SYCP2: variants seen among roughly 807,000 people sequenced by gnomAD.
SYCP2 encodes the protein synaptonemal complex protein 2.
SYCP2 carries 55 observed loss-of-function variants against 211.3 expected under a neutral mutation model. That is an observed-to-expected ratio of 0.26 (90% CI 0.21 to 0.33). The LOEUF is 0.33. SYCP2 is among the 10% of genes least tolerant of loss of function. The pLI, the probability that SYCP2 is intolerant of heterozygous loss-of-function variation, is 1.00. For missense variants in SYCP2, 1,731 were observed against 1,752.0 expected, an observed-to-expected ratio of 0.99 and a Z score of 0.21; for synonymous variants, 570 against 555.2, an observed-to-expected ratio of 1.03 and a Z score of -0.37.
At chr20:59,911,671 G>C (rs1258296746) in intron 14 of SYCP2, 79 bp downstream of exon 14, 3 of 579,718 alleles carry the variant, frequency 5.2e-6, no homozygotes, top group Non-Finnish European at 8.4e-6. Flanking sequence ...AACATATAAA[G>C]AAATCCACAT....
intron 31 of SYCP2, among the ~76,000 whole-genome samples, chr20:59,879,589 C>G (rs2059626667): frequency 6.6e-6 from 1 of 151,334 alleles, no homozygotes; most frequent in African/African-American, 2.4e-5. Flanking sequence ...GTAATTCTCT[C>G]TAGCCAAAAC....
At chr20:59,880,214 AAATAC>A (rs1278511234) in intron 31 of SYCP2, 84 bp downstream of exon 31, 11 of 1,066,694 alleles carry the variant, frequency 1.0e-5, no homozygotes, top group Non-Finnish European at 1.5e-5. Context: ...TGAACAGTCT[AAATAC>A]AATAAGCTTA....
intron 24 of SYCP2, among the ~76,000 whole-genome samples, chr20:59,889,290 A>G (rs1008665299): frequency 6.6e-6 from 1 of 152,070 alleles, no homozygotes; most frequent in African/African-American, 2.4e-5. Context: ...AATGTACCAC[A>G]GTGATGCAAG....
intron 25 of SYCP2, among the ~76,000 whole-genome samples, chr20:59,886,208 T>A (rs6070999): frequency 0.019 from 2,947 of 152,172 alleles, 41 homozygotes; most frequent in Middle Eastern, 0.041. Context: ...GATTCCACCA[T>A]AAGAATCATT....
At chr20:59,886,665 ATC>A in intron 25 of SYCP2, 40 bp downstream of exon 25, 1 of 1,439,224 alleles carries the variant, frequency 6.9e-7, no homozygotes. Flanking sequence ...ATATAGTTGT[ATC>A]TGTCAGAAAA....
chr20:59,899,256 T>A (rs1003425082), intron 18 of SYCP2, among the ~76,000 whole-genome samples: 3 of 152,078 alleles, frequency 2.0e-5, no homozygotes, highest in Non-Finnish European at 4.4e-5. Context: ...GAGAAGAGGC[T>A]GAAATAAAGC....
At position 59,907,312 on chromosome 20, in the gene SYCP2, G is replaced by T; in HGVS notation, c.1033+52C>A. ...TTAACCCAGAAAGGATGTAACATTT[G>T]TTCCATATGGTAAGAATTAAGAAAA... On this transcript the variant is annotated intron_variant, in intron 15 of 44. Transcript: ENST00000357552. 3 of 1,166,672 alleles carry T rather than the reference G, an allele frequency of 2.6e-6. No individual in the cohort carries two copies. In the South Asian group the frequency reaches 4.0e-5, roughly 16 times the overall value. 72.3% of individuals were successfully genotyped at this position (1,166,672 alleles called of 1,614,324 possible).
chr20:59,882,197 T>C, intron 26 of SYCP2, 32 bp from the exon 27 acceptor site: 1 of 1,503,412 alleles, frequency 6.7e-7, no homozygotes, highest in Non-Finnish European at 9.2e-7. Flanking sequence ...AATCATTAAA[T>C]GGCTAACAGG....
intron 29 of SYCP2, 140 bp downstream of exon 29, chr20:59,881,297 A>T: frequency 1.6e-6 from 1 of 608,372 alleles, no homozygotes; most frequent in Non-Finnish European, 2.9e-6. Flanking sequence ...TAAATGTTGA[A>T]GTAACAGAAT....
At position 59,922,422 on chromosome 20, in the gene SYCP2, C is replaced by T; in HGVS notation, c.-9G>A. 1.4e-6 allele frequency: 2 copies of T among 1,408,700 alleles called. No individual in the cohort carries two copies. The highest frequency in any genetic ancestry group is 9.7e-7 in the Non-Finnish European group (1 of 1,032,266). The allele number at this position is 1,408,700 out of a possible 1,614,324, so 87.3% of individuals were successfully genotyped here. A position where few individuals can be genotyped will look rare whatever the true frequency, so the allele number is the denominator to read the frequency against. On this transcript the variant is annotated 5_prime_UTR_variant, in exon 3 of 45. An upstream start codon of the reference 5' UTR is lost. Transcript: ENST00000357552. Reference sequence around the variant, plus strand: ...TCTGGTCTTATTGGCATTTTGACTTCATTTAAAAAAAAAAAAAAAGCAAGA... The same window carrying T: ...TCTGGTCTTATTGGCATTTTGACTTTATTTAAAAAAAAAAAAAAAGCAAGA...
intron 40 of SYCP2, 50 bp downstream of exon 40, chr20:59,866,445 T>C (rs367821313): frequency 4.0e-5 from 62 of 1,556,004 alleles, no homozygotes; most frequent in Non-Finnish European, 5.1e-5. Context: ...ATTCAGAATA[T>C]AGGAATATGT....
Position 59,911,732 on chromosome 20 carries a change from C to A in SYCP2, c.972+18G>T. ...TATGCATATACATAAAGAATAATAC[C>A]AACCAAATTAAACTTACATCATTAT... On this transcript the variant is annotated intron_variant, in intron 14 of 44. Transcript: ENST00000357552. 3.8e-6 allele frequency: 5 copies of A among 1,332,724 alleles called. No homozygotes were observed. The highest frequency in any genetic ancestry group is 2.8e-5 in the South Asian group (2 of 71,400). The allele number at this position is 1,332,724 out of a possible 1,614,324, so 82.6% of individuals were successfully genotyped here. A position where few individuals can be genotyped will look rare whatever the true frequency, so the allele number is the denominator to read the frequency against.
intron 22 of SYCP2, 126 bp downstream of exon 22, chr20:59,893,016 C>A: frequency 1.4e-6 from 1 of 723,536 alleles, no homozygotes; most frequent in South Asian, 2.1e-5. Context: ...ATTGTGCTGT[C>A]ATAACACTTG....
In SYCP2 at chr20:59,881,509, C is replaced by CATT. The variant is rs148253329; in HGVS notation, c.2659-18_2659-17insAAT. Reference sequence around the variant, plus strand: ...CTCTTGGATCTATATTGTAAATAAACAAAAAAAAAGAGGTGTCAGTGTCAA... The same window carrying CATT: ...CTCTTGGATCTATATTGTAAATAAACATTAAAAAAAAAGAGGTGTCAGTGTCAA... On this transcript the variant is annotated splice_polypyrimidine_tract_variant and intron_variant, in intron 28 of 44. Transcript: ENST00000357552. 0.024 allele frequency: 31,826 copies of CATT among 1,312,298 alleles called. 435 individuals are homozygous for CATT. Among genetic ancestry groups the CATT allele is most frequent in the Middle Eastern group, 0.039 (163 of 4,194 alleles). 81.3% of individuals were successfully genotyped at this position (1,312,298 alleles called of 1,614,324 possible). A position where few individuals can be genotyped will look rare whatever the true frequency, so the allele number is the denominator to read the frequency against.
rs941061362 is a variant in SYCP2 at position 59,892,492 on chromosome 20, A to C, written c.1928-66T>G. 8.6e-6 allele frequency: 13 copies of C among 1,505,526 alleles called. No individual in the cohort carries two copies. In the African/African-American group the frequency reaches 1.7e-4, roughly 20 times the overall value. 93.3% of individuals were successfully genotyped at this position (1,505,526 alleles called of 1,614,324 possible). A position where few individuals can be genotyped will look rare whatever the true frequency, so the allele number is the denominator to read the frequency against. On this transcript the variant is annotated intron_variant, in intron 23 of 44. Transcript: ENST00000357552. ...AAGTTGACATATGTAAAATTTGTTA[A>C]ATTTGTTTTAATACTTGTTAGACAT...
In SYCP2 at chr20:59,916,550, C is replaced by G; in HGVS notation, c.449G>C (p.Ser150Thr). 1 of 1,607,178 alleles carries G rather than the reference C, an allele frequency of 6.2e-7. No individual in the cohort carries two copies. The highest frequency in any genetic ancestry group is 1.1e-5 in the South Asian group (1 of 90,920). The change falls in exon 8 of 45, where the codon AGT (serine) becomes ACT (threonine). Residue 150 changes from serine (S) to threonine (T), a missense_variant. Physicochemically the swap from Ser to Thr is moderately conservative, Grantham distance 58 (BLOSUM62 1). Transcript: ENST00000357552. The part of the protein sequence containing the change: ...SDEGKKQVVE[S>T]FVPRICSLVI... ...CAGGGAACAAATGCGAGGTACGAAA[C>G]TTTCCACTACTTGTTTTTTACCTGA...
At chr20:59,881,194 A>G (rs117766988) in intron 29 of SYCP2, among the ~76,000 whole-genome samples, 171 bp from the exon 30 acceptor site, 3,024 of 151,932 alleles carry the variant, frequency 0.02, 42 homozygotes, top group Middle Eastern at 0.041. Context: ...AAATAACTAT[A>G]TTGGATTAAA....
At chr20:59,913,876 A>G in intron 12 of SYCP2, 99 bp downstream of exon 12, 1 of 835,416 alleles carries the variant, frequency 1.2e-6, no homozygotes, top group Non-Finnish European at 1.8e-6. Flanking sequence ...AGTGTAGAGA[A>G]CAAGAATAAA....
At position 59,907,369 on chromosome 20, in the gene SYCP2, A is replaced by G. The variant is rs751868205; in HGVS notation, c.1028T>C (p.Ile343Thr). The G allele has an allele frequency of 1.3e-6, 2 of 1,599,946 alleles. No individual in the cohort carries two copies. Among genetic ancestry groups the G allele is most frequent in the Admixed American group, 1.7e-5 (1 of 59,710 alleles). The change falls in exon 15 of 45, where the codon ATT becomes ACT. Residue 343 changes from isoleucine to threonine, a missense_variant. Coordinates refer to ENST00000357552, the MANE Select transcript of SYCP2 (RefSeq NM_014258.4). ...VPEEKVQIYS[I>T]EVRESKKLLT... ...GAAAAAAACAAGTTTAATACCTTCA[A>G]TGCTGTATATTTGTACTTTTTCCTC... is the stretch of plus-strand genomic sequence containing the variant.
Sources: gnomAD v4.1 joint callset for allele counts (sites outside exome capture counted in the v4.1 genomes callset) on GRCh38, gnomAD v4.1.1 for gene constraint, MANE v1.5 for transcripts, NCBI Gene and HGNC (gene_info 2026-07-23, HGNC 2026-07-21) for gene names.